The following GLOD5 variants were observed in gnomAD, a reference collection of about 807,000 sequenced individuals.
The protein encoded by GLOD5 is glyoxalase domain-containing protein 5.
A neutral mutation model predicts 9.9 loss-of-function variants in GLOD5; 7 were observed. The ratio of observed to expected loss-of-function variants is 0.71; its 90% CI spans 0.40 to 1.33. The LOEUF is 1.33. Ranked by LOEUF, GLOD5 falls within the 40% of genes most tolerant of loss-of-function variation. The pLI is 0.01. For missense variants in GLOD5, 146 were observed against 128.4 expected, an observed-to-expected ratio of 1.14 and a Z score of -0.66; for synonymous variants, 49 against 47.3, an observed-to-expected ratio of 1.04 and a Z score of -0.14.
At chrX:48,766,756 AT>A (rs782773130) in intron 2 of GLOD5, among the ~76,000 whole-genome samples, 2 of 107,301 alleles carry the variant, frequency 1.9e-5, no homozygotes, top group East Asian at 2.9e-4. Flanking sequence ...ATCAAAAAAA[AT>A]CAAACAAAAA....
At position 48,765,838 on chromosome X, in the gene GLOD5, T is replaced by C. The variant is rs374435425; in HGVS notation, c.67T>C (p.Trp23Arg). Residue 23 changes from tryptophan to arginine, a missense_variant, in exon 2 of 4, where the codon TGG becomes CGG. By Grantham distance (101) the Trp-to-Arg change is moderately radical. Transcript: ENST00000303227. Reference sequence around the variant, plus strand: ...TGACTTTTTTTTCTTTTTTTAGTCATGGAGGGACAGCAGTCAGACCCCTCC... The same window carrying C: ...TGACTTTTTTTTCTTTTTTTAGTCACGGAGGGACAGCAGTCAGACCCCTCC... ...MWGRTLEKQS[W>R]RDSSQTPPPC... The C allele has an allele frequency of 2.8e-5, 33 of 1,183,550 alleles. No individual in the cohort carries two copies. In the African/African-American group the frequency reaches 4.0e-4, roughly 14 times the overall value.
chrX:48,771,705 C>G (rs782089917), intron 3 of GLOD5, among the ~76,000 whole-genome samples: 104 of 112,013 alleles, frequency 9.3e-4, no homozygotes, highest in African/African-American at 3.2e-3. Flanking sequence ...ACTGTAAAAA[C>G]CAACAGCTAT....
intron 2 of GLOD5, 196 bp downstream of exon 2, chrX:48,766,168 T>C (rs782376545): frequency 4.2e-5 from 17 of 403,586 alleles, no homozygotes; most frequent in Non-Finnish European, 5.6e-5. Flanking sequence ...GAAATTATCA[T>C]AGAAACAATG....
rs1557016045 is a variant in GLOD5, at chrX:48,761,848, A to C, written c.58A>C (p.Lys20Gln). 2 of 1,161,950 alleles carry C rather than the reference A, an allele frequency of 1.7e-6. No individual in the cohort carries two copies. The change falls in exon 1 of 4, where the codon AAA becomes CAA. Residue 20 changes from lysine (K) to glutamine (Q), a missense_variant. Transcript: ENST00000303227. The stretch of plus-strand genomic sequence containing the variant: ...CAAGATGTGGGGCAGGACTTTGGAG[A>C]AACAGGTGAACAAGATGGCCCCTGG... Reference protein sequence around the residue: ...PVKMWGRTLEKQSWRDSSQTP... With the variant: ...PVKMWGRTLEQQSWRDSSQTP...
intron 2 of GLOD5, 76 bp downstream of exon 2, chrX:48,766,048 T>G: frequency 1.1e-6 from 1 of 951,534 alleles, no homozygotes; most frequent in Non-Finnish European, 1.5e-6. Flanking sequence ...AACTTAACTC[T>G]AAAAGGAAAA....
Position 48,763,496 on chromosome X carries a change from A to G in GLOD5, c.63+1643A>G, listed in dbSNP as rs188829565. 6.3e-5 allele frequency among the ~76,000 whole-genome samples: 7 copies of G among 110,304 alleles called. No individual in the cohort carries two copies. The East Asian group carries it at 2.0e-3, about 31-fold the overall frequency. The stretch of plus-strand genomic sequence containing the variant: ...GGAATTCAAGACCAGCCTGGGAAAC[A>G]TAGTGAGCCCTCACCTCTACAAAAA... On this transcript the variant is annotated intron_variant, in intron 1 of 3. Transcript: ENST00000303227.
intron 2 of GLOD5, among the ~76,000 whole-genome samples, chrX:48,769,752 G>A (rs782589507): frequency 2.0e-3 from 219 of 108,895 alleles, no homozygotes; most frequent in Non-Finnish European, 3.4e-3. Flanking sequence ...AGGCCGAGGC[G>A]GGGAACACTT....
chrX:48,763,437 T>C (rs782646535), intron 1 of GLOD5, among the ~76,000 whole-genome samples: 44 of 111,284 alleles, frequency 4.0e-4, no homozygotes, highest in Non-Finnish European at 7.9e-4. Flanking sequence ...CCCAACACTC[T>C]GGGAGGCTGA....
intron 1 of GLOD5, 53 bp downstream of exon 1, chrX:48,761,906 G>C (rs1391425832): frequency 1.1e-6 from 1 of 942,196 alleles, no homozygotes; most frequent in Non-Finnish European, 1.5e-6. Context: ...CACTGAAACT[G>C]GTCTAGTAAC....
intron 2 of GLOD5, among the ~76,000 whole-genome samples, chrX:48,769,079 G>A (rs971376777): frequency 9.1e-6 from 1 of 109,349 alleles, no homozygotes; most frequent in Non-Finnish European, 1.9e-5. Flanking sequence ...GAATGGATGT[G>A]GTATCATTCA....
Position 48,772,591 on chromosome X carries a change from G to C in GLOD5, c.358-719G>C, listed in dbSNP as rs1264278340. Among the ~76,000 whole-genome samples the C allele has an allele frequency of 4.5e-5, 5 of 111,017 alleles. No homozygotes were observed. The South Asian group carries it at 1.1e-3, about 25-fold the overall frequency. On this transcript the variant is annotated intron_variant, in intron 3 of 3. Coordinates refer to ENST00000303227, the MANE Select transcript of GLOD5 (RefSeq NM_001080489.3). ...GTTTCCCTTTTGCAGAACACGGATT[G>C]AGGTCTTATATATATTCTGTGCAAA... is the stretch of plus-strand genomic sequence containing the variant.
Position 48,765,899 on chromosome X carries a change from T to G in GLOD5, c.128T>G (p.Met43Arg), listed in dbSNP as rs1557016643. Residue 43 changes from methionine (M) to arginine (R), a missense_variant, in exon 2 of 4, where the codon ATG becomes AGG. By Grantham distance (91) the Met-to-Arg change is moderately conservative (BLOSUM62 -1). Transcript: ENST00000303227. ...CLIRRLDHIV[M>R]TVKSIKDTTM... ...ATCCGTAGACTTGACCACATCGTGA[T>G]GACGGTGAAGAGCATCAAAGACACC... 8.3e-7 allele frequency: 1 copy of G among 1,203,516 alleles called. No individual in the cohort carries two copies.
intron 3 of GLOD5, among the ~76,000 whole-genome samples, chrX:48,771,501 A>C (rs2062622279): frequency 9.1e-6 from 1 of 110,386 alleles, no homozygotes; most frequent in Non-Finnish European, 1.9e-5. Flanking sequence ...GTTTTAGTAG[A>C]GACAGGGTTT....
At chrX:48,769,059 T>C (rs1403258094) in intron 2 of GLOD5, among the ~76,000 whole-genome samples, 2 of 108,023 alleles carry the variant, frequency 1.9e-5, no homozygotes, top group Non-Finnish European at 3.8e-5. Flanking sequence ...AATAAAGTCA[T>C]TTTCTGATTG....
At chrX:48,766,642 T>A (rs1175916745) in intron 2 of GLOD5, among the ~76,000 whole-genome samples, 3 of 109,714 alleles carry the variant, frequency 2.7e-5, no homozygotes, top group Non-Finnish European at 3.8e-5. Context: ...TCCCAGCTAC[T>A]TGGGAGGCTG....
In GLOD5 at chrX:48,761,797, C is replaced by T. The variant is rs781935484; in HGVS notation, c.7C>T (p.Arg3Cys). The stretch of plus-strand genomic sequence containing the variant: ...CAAAGACGCCTACCCTGCCATGCTG[C>T]GCCATCTGCCCTCCAGGCTGCCAGT... ML[R>C]HLPSRLPVKM... is the part of the protein sequence containing the mutation. The change falls in exon 1 of 4, where the codon CGC becomes TGC. Residue 3 changes from arginine to cysteine, a missense_variant. Arg to Cys is a radical substitution (Grantham distance 180). Coordinates refer to ENST00000303227, the MANE Select transcript of GLOD5 (RefSeq NM_001080489.3). The T allele has an allele frequency of 7.6e-5, 88 of 1,163,875 alleles. No homozygotes were observed. Among genetic ancestry groups the T allele is most frequent in the East Asian group, 7.5e-4 (23 of 30,646 alleles).
At chrX:48,763,086 A>G (rs2062600356) in intron 1 of GLOD5, among the ~76,000 whole-genome samples, 1 of 112,104 alleles carries the variant, frequency 8.9e-6, no homozygotes, top group Non-Finnish European at 1.9e-5. Flanking sequence ...ATAGTTCTAA[A>G]TGCACAGATC....
Position 48,765,687 on chromosome X carries a change from C to T in GLOD5, c.64-148C>T, listed in dbSNP as rs782278636. On this transcript the variant is annotated intron_variant, in intron 1 of 3. Coordinates refer to ENST00000303227, the MANE Select transcript of GLOD5 (RefSeq NM_001080489.3). ...TCCACACATGGGCAGTAAGACTCTA[C>T]CAGTAAGTATTCTCTCAGGCCTTTC... The T allele has an allele frequency of 1.1e-5, 7 of 619,274 alleles. No homozygotes were observed. In the African/African-American group the frequency reaches 1.3e-4, roughly 12 times the overall value. The allele number at this position is 619,274 out of a possible 1,213,427, so 51.0% of individuals were successfully genotyped here. A position where few individuals can be genotyped will look rare whatever the true frequency, so the allele number is the denominator to read the frequency against.
At chrX:48,764,384 G>C (rs1299470512) in intron 1 of GLOD5, among the ~76,000 whole-genome samples, 1 of 111,152 alleles carries the variant, frequency 9.0e-6, no homozygotes, top group Non-Finnish European at 1.9e-5. Flanking sequence ...TCGTTTTATA[G>C]CACTTGATAT....
Sources: gnomAD v4.1 joint callset for allele counts (sites outside exome capture counted in the v4.1 genomes callset) on GRCh38, gnomAD v4.1.1 for gene constraint, MANE v1.5 for transcripts, NCBI Gene and HGNC (gene_info 2026-07-23, HGNC 2026-07-21) for gene names.